FAM153A: variants seen among roughly 807,000 people sequenced by gnomAD.
FAM153A encodes protein FAM153A.
In FAM153A, 12 loss-of-function variants were observed where a neutral mutation model predicts 48.1. That is an observed-to-expected ratio of 0.25 (90% CI 0.16 to 0.40). The LOEUF (loss-of-function observed/expected upper bound fraction) is 0.40. FAM153A is among the 10% of genes least tolerant of loss of function. The pLI is 1.00. For missense variants in FAM153A, 111 were observed against 345.8 expected, an observed-to-expected ratio of 0.32 and a Z score of 5.38; for synonymous variants, 36 against 118.2, an observed-to-expected ratio of 0.30 and a Z score of 4.51.
At chr5:177,696,895 G>T in the FAM153A span, among the ~76,000 whole-genome samples, 1 of 151,216 alleles carries the variant, frequency 6.6e-6, no homozygotes, top group Non-Finnish European at 1.5e-5. Context: ...CTCCAACTTT[G>T]TTCTTTTTCA....
the FAM153A span, among the ~76,000 whole-genome samples, chr5:177,697,300 T>C: frequency 1.3e-5 from 2 of 151,826 alleles, no homozygotes; most frequent in Non-Finnish European, 2.9e-5. Flanking sequence ...ATTGATCTTA[T>C]GTTTTGTGAC....
At chr5:177,737,255 G>A in intron 10 of FAM153A, 143 bp from the exon 13 acceptor site, 1 of 1,580,856 alleles carries the variant, frequency 6.3e-7, no homozygotes, top group Non-Finnish European at 8.6e-7. Context: ...ATCCTCCATG[G>A]TGGAGGGAAG....
intron 1 of FAM153A, among the ~76,000 whole-genome samples, chr5:177,772,282 C>A (rs1224707897): frequency 1.1e-5 from 1 of 92,316 alleles, no homozygotes; most frequent in African/African-American, 4.4e-5. Context: ...GGAACAGCTC[C>A]GGTCTACAGC....
chr5:177,725,771 C>T (rs1762317594), intron 18 of FAM153A, among the ~76,000 whole-genome samples: 1 of 151,826 alleles, frequency 6.6e-6, no homozygotes, highest in African/African-American at 2.4e-5. Context: ...ATTCCAGGGA[C>T]CAGGCTACAG....
chr5:177,709,745 ACTGC>A (rs1465506019), downstream of FAM153A, among the ~76,000 whole-genome samples: 2 of 115,838 alleles, frequency 1.7e-5, no homozygotes, highest in East Asian at 4.7e-4. Context: ...ATCTCAGCTC[ACTGC>A]CACCTCTGCC....
upstream of FAM153A, among the ~76,000 whole-genome samples, chr5:177,755,433 T>A (rs1424204226): frequency 5.9e-5 from 9 of 151,816 alleles, no homozygotes; most frequent in Non-Finnish European, 1.3e-4. Flanking sequence ...CCAGGAGAAC[T>A]TCCCCAATCG....
At chr5:177,705,291 G>A (rs1449792750), downstream of FAM153A, among the ~76,000 whole-genome samples, 1 of 151,480 alleles carries the variant, frequency 6.6e-6, no homozygotes, top group Non-Finnish European at 1.5e-5. Flanking sequence ...GTGACAGAGT[G>A]AGACTCCGTC....
chr5:177,761,099 G>A (rs1768271444), intron 1 of FAM153A, among the ~76,000 whole-genome samples: 2 of 150,514 alleles, frequency 1.3e-5, no homozygotes, highest in African/African-American at 4.9e-5. Context: ...ATCATGCACA[G>A]GTCTGCAGAG....
chr5:177,746,754 C>T (rs1256881998), intron 4 of FAM153A, among the ~76,000 whole-genome samples: 6 of 151,462 alleles, frequency 4.0e-5, no homozygotes, highest in African/African-American at 1.5e-4. Flanking sequence ...GGGCGCTGAC[C>T]CTCTGTTACC....
chr5:177,738,748 G>T (rs1376020373), intron 10 of FAM153A, among the ~76,000 whole-genome samples: 1 of 151,456 alleles, frequency 6.6e-6, no homozygotes, highest in Admixed American at 6.6e-5. Flanking sequence ...GTGTGCAGTG[G>T]TAATGGAATT....
the FAM153A span, among the ~76,000 whole-genome samples, chr5:177,697,791 G>A: frequency 6.6e-6 from 1 of 151,732 alleles, no homozygotes; most frequent in East Asian, 1.9e-4. Context: ...TTCTCTGGGG[G>A]AAGATCAGGG....
At chr5:177,739,554 CT>C in intron 9 of FAM153A, 45 bp downstream of exon 11, 1 of 730,926 alleles carries the variant, frequency 1.4e-6, no homozygotes, top group Non-Finnish European at 2.1e-6. Context: ...TGAAAGAAAC[CT>C]AGGAAAATGA....
the FAM153A span, among the ~76,000 whole-genome samples, chr5:177,702,241 C>G: frequency 6.6e-6 from 1 of 151,736 alleles, no homozygotes; most frequent in East Asian, 1.9e-4. Context: ...AGCAAAGAAC[C>G]TGGGTGCATA....
chr5:177,759,103 T>G (rs1332534295), intron 1 of FAM153A, among the ~76,000 whole-genome samples: 2 of 151,720 alleles, frequency 1.3e-5, no homozygotes, highest in Non-Finnish European at 2.9e-5. Context: ...ATCCAGAATC[T>G]ACAAAGAACT....
intron 10 of FAM153A, among the ~76,000 whole-genome samples, chr5:177,737,744 G>A (rs1582392961): frequency 6.6e-6 from 1 of 151,666 alleles, no homozygotes; most frequent in African/African-American, 2.4e-5. Flanking sequence ...GGTTTCGAAC[G>A]CCTGACCTCA....
At chr5:177,722,152 A>G (rs1362493549), downstream of FAM153A, 1 of 139,086 alleles carries the variant, frequency 7.2e-6, no homozygotes, top group East Asian at 2.1e-4. Context: ...TTTTTGAGAC[A>G]AAGTCTCACT....
Position 177,739,213 on chromosome 5 carries a change from T to C in FAM153A, c.538-76A>G, listed in dbSNP as rs530027011. ...GTGCACAGGTCTTTTCTAAACTTGG[T>C]GCTATTAGAAAACCAGATGGGAAAT... On this transcript the variant is annotated intron_variant, in intron 9 of 20. Coordinates refer to ENST00000614127, the Ensembl canonical transcript of FAM153A. 18 of 1,493,148 alleles carry C rather than the reference T, an allele frequency of 1.2e-5. No homozygotes were observed. In the East Asian group the frequency reaches 4.1e-4, roughly 34 times the overall value. The allele number at this position is 1,493,148 out of a possible 1,614,324, so 92.5% of individuals were successfully genotyped here.
At chr5:177,738,958 C>T (rs1050063609) in intron 10 of FAM153A, among the ~76,000 whole-genome samples, 155 bp downstream of exon 12, 2 of 149,126 alleles carry the variant, frequency 1.3e-5, no homozygotes, top group Non-Finnish European at 3.0e-5. Context: ...ATGGTCACCA[C>T]TCGTCAGTAC....
chr5:177,700,482 G>A, the FAM153A span, among the ~76,000 whole-genome samples: 1 of 151,924 alleles, frequency 6.6e-6, no homozygotes, highest in African/African-American at 2.4e-5. Context: ...AGTTCAGCAA[G>A]GTTTCAGGAT....
Sources: gnomAD v4.1 joint callset for allele counts (sites outside exome capture counted in the v4.1 genomes callset) on GRCh38, gnomAD v4.1.1 for gene constraint, MANE v1.5 for transcripts, NCBI Gene and HGNC (gene_info 2026-07-23, HGNC 2026-07-21) for gene names.